The following SOCS5 variants were observed in gnomAD, a reference collection of about 807,000 sequenced individuals.
SOCS5 encodes suppressor of cytokine signaling 5, also known as CIS-6.
SOCS5 carries 32 observed loss-of-function variants against 42.8 expected under a neutral mutation model. That is an observed-to-expected ratio of 0.75 (90% CI 0.56 to 1.01). The LOEUF (loss-of-function observed/expected upper bound fraction) is 1.01. Ranked by LOEUF, SOCS5 falls within the 50% of genes least tolerant of loss-of-function variation. The pLI, the probability that SOCS5 is intolerant of heterozygous loss-of-function variation, is 0.00. For synonymous variants in SOCS5, 283 were observed against 229.6 expected (o/e 1.23, Z -2.10); for missense variants, 627 against 653.0 (o/e 0.96, Z 0.43).
At chr2:46,705,527 A>G (rs13411633) in intron 1 of SOCS5, among the ~76,000 whole-genome samples, 73,278 of 150,014 alleles carry the variant, frequency 0.49, 18,350 homozygotes, top group African/African-American at 0.59. Context: ...TTTTTCCTAG[A>G]TTACCAGACA....
At chr2:46,746,835 A>G (rs898076998) in intron 1 of SOCS5, among the ~76,000 whole-genome samples, 3 of 151,618 alleles carry the variant, frequency 2.0e-5, no homozygotes, top group African/African-American at 7.3e-5. Context: ...TTCTTTTTTA[A>G]GATTCCTTAG....
chr2:46,701,386 A>C (rs1672340727), intron 1 of SOCS5, among the ~76,000 whole-genome samples: 1 of 152,212 alleles, frequency 6.6e-6, no homozygotes, highest in Non-Finnish European at 1.5e-5. Context: ...CGTTTCTTCT[A>C]GAGCTGGAAG....
chr2:46,725,542 C>T (rs1283529935), intron 1 of SOCS5, among the ~76,000 whole-genome samples: 1 of 152,130 alleles, frequency 6.6e-6, no homozygotes, highest in Non-Finnish European at 1.5e-5. Flanking sequence ...AATCTTAACA[C>T]CATATGTATT....
chr2:46,699,909 G>T lies in SOCS5; in HGVS notation c.-13+460G>T, dbSNP rs1343358808. ...TGGGGCTCCAAGAGCCCGATCTGGG[G>T]GTCTTCAAGGTCGAGGAGAAAAGAT... is the stretch of plus-strand genomic sequence containing the variant. On this transcript the variant is annotated intron_variant, in intron 1 of 1. Transcript: ENST00000394861. The surrounding 1 kb of genome is among the most constrained non-coding windows in gnomAD (Gnocchi z 4.8). 1.3e-5 allele frequency among the ~76,000 whole-genome samples: 2 copies of T among 152,088 alleles called. No individual in the cohort carries two copies. Among genetic ancestry groups the T allele is most frequent in the Admixed American group, 6.5e-5 (1 of 15,282 alleles).
intron 1 of SOCS5, among the ~76,000 whole-genome samples, chr2:46,740,861 C>T (rs1449638605): frequency 6.6e-6 from 1 of 152,076 alleles, no homozygotes; most frequent in Non-Finnish European, 1.5e-5. Context: ...ACCTGTTTTC[C>T]TTATCAAATC....
chr2:46,700,464 G>A (rs531286680), intron 1 of SOCS5, among the ~76,000 whole-genome samples: 1 of 152,230 alleles, frequency 6.6e-6, no homozygotes, highest in South Asian at 2.1e-4. Flanking sequence ...GTGCTATTAT[G>A]TACTACTGAC....
chr2:46,736,042 C>A (rs929347963), intron 1 of SOCS5, among the ~76,000 whole-genome samples: 5 of 151,070 alleles, frequency 3.3e-5, no homozygotes, highest in Non-Finnish European at 7.4e-5. Context: ...CTCTTTCCCC[C>A]TCTCTCCCTC....
At chr2:46,739,002 A>G (rs1454798289) in intron 1 of SOCS5, among the ~76,000 whole-genome samples, 1 of 152,236 alleles carries the variant, frequency 6.6e-6, no homozygotes, top group Non-Finnish European at 1.5e-5. Context: ...ATATTCTTAA[A>G]TATTGTAAAT....
rs1673793887 is a variant in SOCS5 at position 46,758,956 on chromosome 2, T to A, written c.426T>A (p.Phe142Leu). The change falls in exon 2 of 2, where the codon TTT becomes TTA. Residue 142 changes from phenylalanine (F) to leucine (L), a missense_variant. Around this residue, in one of 3 missense-constraint regions of SOCS5, gnomAD observed 278 missense variants for 246.3 expected, o/e 1.13. Coordinates refer to ENST00000394861, the MANE Select transcript of SOCS5 (RefSeq NM_144949.3). ...TQSSLDADKKFGRTRSGLQRR... is the reference protein window; with the variant it reads ...TQSSLDADKKLGRTRSGLQRR... ...GTTCATTGGATGCTGATAAAAAGTT[T>A]GGTAGAACTCGAAGTGGACTTCAAA... is the stretch of plus-strand genomic sequence containing the variant. The A allele has an allele frequency of 6.2e-7, 1 of 1,613,944 alleles. No individual in the cohort carries two copies. The highest frequency in any genetic ancestry group is 1.7e-5 in the Admixed American group (1 of 60,010).
rs115453112 is a variant in SOCS5 at position 46,715,516 on chromosome 2, C to T, written c.-13+16067C>T. ...GCTTAAAAAACTTCCTGTTACATTT[C>T]CTGTAGTTCAACATTCCTCTCATTT... On this transcript the variant is annotated intron_variant, in intron 1 of 1. Transcript: ENST00000394861. Among the ~76,000 whole-genome samples the T allele has an allele frequency of 2.2e-3, 335 of 152,224 alleles. 1 individual carries two copies. Among genetic ancestry groups the T allele is most frequent in the Non-Finnish European group, 3.6e-3 (248 of 68,008 alleles).
chr2:46,716,707 A>G (rs946323723), intron 1 of SOCS5, among the ~76,000 whole-genome samples: 45 of 152,186 alleles, frequency 3.0e-4, no homozygotes, highest in African/African-American at 1.1e-3. Flanking sequence ...TTGAACTTCT[A>G]TCAAGCAGTC....
chr2:46,739,029 A>T (rs540451905), intron 1 of SOCS5, among the ~76,000 whole-genome samples: 1 of 152,360 alleles, frequency 6.6e-6, no homozygotes, highest in Non-Finnish European at 1.5e-5. Context: ...ACTATTTAAC[A>T]CGTTTAATTT....
rs1260315551 is a variant in SOCS5, at chr2:46,758,662, C to T, written c.132C>T (p.Asn44=). ...SNRCLSVKEK[N]ISIGDSTPQQ... ...GATGTTTGTCTGTCAAAGAGAAAAA[C>T]ATCAGCATAGGAGACTCAACTCCTC... Residue 44 remains asparagine (N), a synonymous_variant, in exon 2 of 2, where the codon AAC becomes AAT. Transcript: ENST00000394861. 2 of 1,614,008 alleles carry T rather than the reference C, an allele frequency of 1.2e-6. No homozygotes were observed. The highest frequency in any genetic ancestry group is 1.1e-5 in the South Asian group (1 of 91,088).
intron 1 of SOCS5, among the ~76,000 whole-genome samples, chr2:46,724,590 A>G (rs1251966944): frequency 6.6e-6 from 1 of 151,852 alleles, no homozygotes; most frequent in African/African-American, 2.4e-5. Flanking sequence ...TTTCAGTTCG[A>G]GATATTTTCT....
intron 1 of SOCS5, among the ~76,000 whole-genome samples, chr2:46,726,178 C>G (rs1268399318): frequency 1.3e-5 from 2 of 152,062 alleles, no homozygotes; most frequent in Non-Finnish European, 2.9e-5. Flanking sequence ...CTCACTGCAA[C>G]CTCTGCCTCT....
chr2:46,744,063 C>T (rs1056320066), intron 1 of SOCS5, among the ~76,000 whole-genome samples: 2 of 151,932 alleles, frequency 1.3e-5, no homozygotes, highest in African/African-American at 4.8e-5. Context: ...AATCTCAGCT[C>T]ACTGCAACCT....
chr2:46,717,723 C>G (rs908939624), intron 1 of SOCS5, among the ~76,000 whole-genome samples: 2 of 151,990 alleles, frequency 1.3e-5, no homozygotes, highest in Non-Finnish European at 2.9e-5. Context: ...GTTAGGTTAC[C>G]TCTAATATAG....
chr2:46,732,446 A>G (rs1407056229), intron 1 of SOCS5, among the ~76,000 whole-genome samples: 1 of 152,226 alleles, frequency 6.6e-6, no homozygotes, highest in Admixed American at 6.5e-5. Flanking sequence ...TAGCATGCAG[A>G]AGGAAGCCTG....
chr2:46,724,209 T>G (rs994627661), intron 1 of SOCS5, among the ~76,000 whole-genome samples: 2 of 151,860 alleles, frequency 1.3e-5, no homozygotes, highest in African/African-American at 4.8e-5. Flanking sequence ...ATAGTTTTAT[T>G]TCTTTCTAAT....
Sources: gnomAD v4.1 joint callset for allele counts (sites outside exome capture counted in the v4.1 genomes callset) on GRCh38, gnomAD v4.1.1 for gene constraint, gnomAD v4.1.1 regional missense constraint, Gnocchi (gnomAD v3.1) non-coding constraint, MANE v1.5 for transcripts, NCBI Gene and HGNC (gene_info 2026-07-23, HGNC 2026-07-21) for gene names.